Variants in NTRK3 observed in about 807,000 individuals in gnomAD.
NTRK3 encodes neurotrophic receptor tyrosine kinase 3, also known as NT-3 growth factor receptor.
Under a neutral mutation model 91.7 loss-of-function variants are expected in NTRK3, and 24 were observed. The ratio of observed to expected loss-of-function variants is 0.26; its 90% CI spans 0.19 to 0.37. The LOEUF (loss-of-function observed/expected upper bound fraction) is 0.37. Among genes scored for constraint, NTRK3 ranks in the 10% least tolerant of loss-of-function variants. The pLI is 1.00. For missense variants in NTRK3, 880 were observed against 1,068.9 expected, an observed-to-expected ratio of 0.82 and a Z score of 2.46; for synonymous variants, 483 against 404.0, an observed-to-expected ratio of 1.20 and a Z score of -2.34.
intron 5 of NTRK3, among the ~76,000 whole-genome samples, chr15:88,155,372 C>G (rs2043793197): frequency 1.3e-5 from 2 of 152,148 alleles, no homozygotes; most frequent in Non-Finnish European, 2.9e-5. Context: ...GGCAAGAAAA[C>G]CCATTCATCC....
intron 14 of NTRK3, among the ~76,000 whole-genome samples, chr15:87,980,447 G>A (rs1053808059): frequency 6.6e-6 from 1 of 152,124 alleles, no homozygotes; most frequent in African/African-American, 2.4e-5. Context: ...GTTTGCATGT[G>A]TACACCTGTG....
At chr15:87,953,493 A>T (rs1270978455) in intron 14 of NTRK3, among the ~76,000 whole-genome samples, 2 of 152,244 alleles carry the variant, frequency 1.3e-5, no homozygotes, top group Non-Finnish European at 2.9e-5. Context: ...AAGATCCCAG[A>T]CATTGGAGGT....
In NTRK3 at chr15:87,984,563, T is replaced by C. The variant is rs4143833; in HGVS notation, c.1586-43810A>G. On this transcript the variant is annotated intron_variant, in intron 14 of 18. Coordinates refer to ENST00000394480, the Ensembl canonical transcript of NTRK3. ...GCTTGCTGGCCACAGTCTATGCTGC[T>C]TTAAACTTTCAGGTTATTTCTTTTA... 2.3e-4 allele frequency among the ~76,000 whole-genome samples: 35 copies of C among 152,378 alleles called. 1 individual carries two copies. In the East Asian group the frequency reaches 6.6e-3, roughly 29 times the overall value.
chr15:88,078,924 G>T (rs1351878331), intron 13 of NTRK3, among the ~76,000 whole-genome samples: 1 of 152,226 alleles, frequency 6.6e-6, no homozygotes, highest in Non-Finnish European at 1.5e-5. Context: ...GGGGCCTTTG[G>T]CTTTCCGCTG....
chr15:88,219,146 G>A (rs1469638692), intron 3 of NTRK3, among the ~76,000 whole-genome samples: 2 of 152,234 alleles, frequency 1.3e-5, no homozygotes, highest in African/African-American at 4.8e-5. Flanking sequence ...GTGCAGGATG[G>A]CACCCGCCTG....
chr15:87,873,926 G>T (rs549595781), exon 19 of NTRK3: 1 of 230,212 alleles, frequency 4.3e-6, no homozygotes, highest in African/African-American at 2.2e-5. Flanking sequence ...CCCCACCTAT[G>T]CAAGGCTGTC....
intron 13 of NTRK3, among the ~76,000 whole-genome samples, chr15:88,072,121 T>C (rs2047143317): frequency 6.6e-6 from 1 of 151,142 alleles, no homozygotes; most frequent in Non-Finnish European, 1.5e-5. Context: ...TTCTCCTGCC[T>C]CAGCCTCCTG....
In NTRK3 at chr15:88,233,750, T is replaced by C. The variant is rs1458494320; in HGVS notation, c.248+22156A>G. Among the ~76,000 whole-genome samples, 1 of 151,766 alleles carries C rather than the reference T, an allele frequency of 6.6e-6. No individual in the cohort carries two copies. Among genetic ancestry groups the C allele is most frequent in the Non-Finnish European group, 1.5e-5 (1 of 67,954 alleles). On this transcript the variant is annotated intron_variant, in intron 3 of 18. Coordinates refer to ENST00000394480, the Ensembl canonical transcript of NTRK3. The surrounding 1 kb of genome is among the most constrained non-coding windows in gnomAD (Gnocchi z 4.2). ...TACTCTCCCTTCCTTCCCTGCCCCC[T>C]TCCTCCCTACACCTTGCTCCTCCTC...
chr15:87,995,435 C>T (rs969216671), intron 14 of NTRK3, among the ~76,000 whole-genome samples: 3 of 152,144 alleles, frequency 2.0e-5, no homozygotes, highest in African/African-American at 7.2e-5. Flanking sequence ...AGATTTTCTC[C>T]TAAGAAGATA....
intron 13 of NTRK3, among the ~76,000 whole-genome samples, chr15:88,057,146 G>T (rs2045779316): frequency 6.8e-6 from 1 of 147,096 alleles, no homozygotes; most frequent in Admixed American, 6.8e-5. Flanking sequence ...TCCAGCCTGG[G>T]CGACAGAGCG....
At chr15:88,203,579 G>C (rs1384063166) in intron 3 of NTRK3, among the ~76,000 whole-genome samples, 2 of 152,050 alleles carry the variant, frequency 1.3e-5, no homozygotes, top group South Asian at 4.1e-4. Context: ...TTGATTATTG[G>C]GTATGGATAT....
chr15:87,989,699 A>G (rs1236099937), intron 14 of NTRK3, among the ~76,000 whole-genome samples: 1 of 152,006 alleles, frequency 6.6e-6, no homozygotes, highest in Admixed American at 6.6e-5. Context: ...CTGACACGAA[A>G]AAAAAAAAGA....
chr15:88,065,546 C>A (rs2046577717), intron 13 of NTRK3, among the ~76,000 whole-genome samples: 1 of 151,974 alleles, frequency 6.6e-6, no homozygotes, highest in South Asian at 2.1e-4. Context: ...GGGCAGATAC[C>A]CCAGAATATT....
At chr15:88,051,906 G>A (rs1466710088) in intron 13 of NTRK3, among the ~76,000 whole-genome samples, 1 of 152,188 alleles carries the variant, frequency 6.6e-6, no homozygotes, top group African/African-American at 2.4e-5. Context: ...GTTAGCCAAT[G>A]CTTCCCACTT....
In NTRK3 at chr15:87,939,203, G is replaced by A. The variant is rs558277713; in HGVS notation, c.1716+1420C>T. Among the ~76,000 whole-genome samples, 23 of 152,154 alleles carry A rather than the reference G, an allele frequency of 1.5e-4. No homozygotes were observed. The East Asian group carries it at 3.9e-3, about 26-fold the overall frequency. The stretch of plus-strand genomic sequence containing the variant: ...TATGTCATGTATCTAAGCACATTCA[G>A]TAATATCAACATCAATGACAATGAT... On this transcript the variant is annotated intron_variant, in intron 15 of 18. Transcript: ENST00000394480.
chr15:87,885,614 A>G, intron 17 of NTRK3, 80 bp downstream of exon 18: 1 of 767,640 alleles, frequency 1.3e-6, no homozygotes, highest in Admixed American at 3.3e-5. Flanking sequence ...ATTGGAATTT[A>G]ATATATGAAA....
In NTRK3 at chr15:88,177,810, G is replaced by C. The variant is rs186627543; in HGVS notation, c.395+5608C>G. ...ACAATTGGAGACCAACATGTGTTGG[G>C]AGGAAATCTTTAATAGCAAAAACAT... is the stretch of plus-strand genomic sequence containing the variant. On this transcript the variant is annotated intron_variant, in intron 5 of 18. Coordinates refer to ENST00000394480, the Ensembl canonical transcript of NTRK3. 5.9e-5 allele frequency among the ~76,000 whole-genome samples: 9 copies of C among 152,306 alleles called. No individual in the cohort carries two copies. The East Asian group carries it at 1.7e-3, about 29-fold the overall frequency.
intron 13 of NTRK3, among the ~76,000 whole-genome samples, chr15:88,088,723 C>A (rs2048735185): frequency 6.6e-6 from 1 of 152,060 alleles, no homozygotes; most frequent in Non-Finnish European, 1.5e-5. Flanking sequence ...GAATCAGCAG[C>A]CTATATGAGC....
chr15:87,920,420 G>A (rs1038919334), intron 17 of NTRK3, among the ~76,000 whole-genome samples: 8 of 152,178 alleles, frequency 5.3e-5, no homozygotes, highest in African/African-American at 1.9e-4. Context: ...CCACTTGGAA[G>A]TCTCTCCAGT....
Sources: allele counts gnomAD v4.1 joint callset (sites outside exome capture counted in the v4.1 genomes callset), GRCh38; gene constraint gnomAD v4.1.1; non-coding constraint Gnocchi (gnomAD v3.1); transcripts MANE v1.5; gene names NCBI Gene and HGNC (gene_info 2026-07-23, HGNC 2026-07-21).